Variants in RGS6 observed in about 807,000 individuals in gnomAD.
The protein encoded by RGS6 is regulator of G-protein signaling 6.
A neutral mutation model predicts 78.5 loss-of-function variants in RGS6; 30 were observed. The ratio of observed to expected loss-of-function variants is 0.38; its 90% CI spans 0.29 to 0.52. The LOEUF (loss-of-function observed/expected upper bound fraction) is 0.52. Ranked by LOEUF, RGS6 falls within the 20% of genes least tolerant of loss-of-function variation. RGS6 has a pLI of 0.85. For missense variants in RGS6, 495 were observed against 609.7 expected (o/e 0.81, Z 1.98); for synonymous variants, 206 against 206.0 (o/e 1.00, Z 0.00).
At chr14:72,337,485 C>T (rs1372205937) in intron 2 of RGS6, among the ~76,000 whole-genome samples, 1 of 151,922 alleles carries the variant, frequency 6.6e-6, no homozygotes, top group Non-Finnish European at 1.5e-5. Flanking sequence ...CTACTTACAA[C>T]CTTGCCCTCT....
At chr14:72,562,088 G>A (rs183273763) in intron 17 of RGS6, among the ~76,000 whole-genome samples, 22 of 152,252 alleles carry the variant, frequency 1.4e-4, no homozygotes, top group Admixed American at 2.6e-4. Flanking sequence ...AGGGCAGCCC[G>A]CCGGCATTAA....
At chr14:72,174,609 A>G (rs569917539) in intron 2 of RGS6, among the ~76,000 whole-genome samples, 3 of 152,318 alleles carry the variant, frequency 2.0e-5, no homozygotes, top group South Asian at 2.1e-4. Flanking sequence ...ATATCTAGCC[A>G]GTCCTGGAGT....
In RGS6 at chr14:71,967,189, G is replaced by GTATATATATATATATATATA. The variant is rs10571406; in HGVS notation, c.84+2316_84+2335dup. The stretch of plus-strand genomic sequence containing the variant: ...TTCGTGTGACAAACTTGTGTAAAGA[G>GTATATATATATATATATATA]TATATATATATATATATATATGTTC... On this transcript the variant is annotated intron_variant, in intron 2 of 17. Transcript: ENST00000553525. Among the ~76,000 whole-genome samples, 94 of 145,850 alleles carry GTATATATATATATATATATA rather than the reference G, an allele frequency of 6.4e-4. 1 individual carries two copies. Among genetic ancestry groups the GTATATATATATATATATATA allele is most frequent in the African/African-American group, 2.2e-3 (87 of 38,866 alleles).
intron 2 of RGS6, among the ~76,000 whole-genome samples, chr14:72,107,951 T>C (rs1431220514): frequency 2.0e-5 from 3 of 152,206 alleles, no homozygotes; most frequent in African/African-American, 7.2e-5. Flanking sequence ...ATTTTATAGT[T>C]ATACCTAATC....
At chr14:71,955,778 T>C (rs1162156593) in intron 1 of RGS6, among the ~76,000 whole-genome samples, 5 of 152,184 alleles carry the variant, frequency 3.3e-5, no homozygotes, top group Non-Finnish European at 4.4e-5. Flanking sequence ...AGTCTCATTC[T>C]GTGACTTAGA....
chr14:72,283,045 G>T (rs2061856456), intron 2 of RGS6, among the ~76,000 whole-genome samples: 1 of 152,076 alleles, frequency 6.6e-6, no homozygotes, highest in African/African-American at 2.4e-5. Context: ...TTCTGTGACT[G>T]GCTTATTTCA....
intron 2 of RGS6, among the ~76,000 whole-genome samples, chr14:71,973,972 A>G (rs902713784): frequency 3.9e-5 from 6 of 152,174 alleles, no homozygotes; most frequent in African/African-American, 1.4e-4. Flanking sequence ...GTGGTTTCAT[A>G]TGATGCATTT....
the RGS6 span, chr14:72,594,592 T>C: frequency 6.6e-6 from 1 of 152,158 alleles, no homozygotes; most frequent in East Asian, 1.9e-4. Flanking sequence ...ACTGAAAAAC[T>C]TTTTGCTGGT....
chr14:71,915,519 C>T, the RGS6 span, among the ~76,000 whole-genome samples: 1 of 152,272 alleles, frequency 6.6e-6, no homozygotes, highest in Non-Finnish European at 1.5e-5. Context: ...TACCCAGCAT[C>T]CCATTCATCC....
chr14:72,545,359 T>A (rs2097379675), intron 17 of RGS6, among the ~76,000 whole-genome samples: 1 of 152,230 alleles, frequency 6.6e-6, no homozygotes, highest in African/African-American at 2.4e-5. Context: ...CAAGTGCATG[T>A]CCTGGGACTC....
At chr14:72,169,181 C>T (rs1469080933) in intron 2 of RGS6, among the ~76,000 whole-genome samples, 6 of 152,146 alleles carry the variant, frequency 3.9e-5, no homozygotes, top group African/African-American at 1.4e-4. Flanking sequence ...ACTCCCCTTC[C>T]CCTTGGTTTG....
chr14:72,263,798 G>A (rs541560796), intron 2 of RGS6, among the ~76,000 whole-genome samples: 1 of 152,322 alleles, frequency 6.6e-6, no homozygotes, highest in South Asian at 2.1e-4. Flanking sequence ...AGAAACGAAT[G>A]TCTGTTGTTT....
chr14:72,128,544 GA>G (rs1332670590), intron 2 of RGS6, among the ~76,000 whole-genome samples: 13 of 150,508 alleles, frequency 8.6e-5, no homozygotes, highest in Non-Finnish European at 1.5e-4. Context: ...TGATTGTGTT[GA>G]TTTTTTTTTT....
chr14:72,043,562 C>G (rs1479110586), intron 2 of RGS6, among the ~76,000 whole-genome samples: 1 of 152,132 alleles, frequency 6.6e-6, no homozygotes, highest in East Asian at 1.9e-4. Flanking sequence ...ATATTTTTCT[C>G]CATTCTCTTC....
the RGS6 span, among the ~76,000 whole-genome samples, chr14:72,592,836 G>A: frequency 1.3e-5 from 2 of 152,322 alleles, no homozygotes; most frequent in East Asian, 3.9e-4. Context: ...CACTGTGGAA[G>A]AAAGATGTTT....
At chr14:72,628,576 A>C in the RGS6 span, among the ~76,000 whole-genome samples, 2 of 152,166 alleles carry the variant, frequency 1.3e-5, no homozygotes, top group Admixed American at 6.5e-5. Context: ...AAAGAGAAAC[A>C]TCAGGCATTA....
chr14:71,898,871 AC>A, the RGS6 span, among the ~76,000 whole-genome samples: 2 of 152,044 alleles, frequency 1.3e-5, no homozygotes, highest in African/African-American at 4.8e-5. Context: ...CTGCATAGTA[AC>A]CCATGGTGTA....
At chr14:72,207,681 C>G (rs1178670413) in intron 2 of RGS6, among the ~76,000 whole-genome samples, 3 of 152,220 alleles carry the variant, frequency 2.0e-5, no homozygotes, top group Non-Finnish European at 4.4e-5. Flanking sequence ...CCGGTTTCAG[C>G]TCCAATGACT....
chr14:72,379,965 T>A (rs1416226719), intron 3 of RGS6, among the ~76,000 whole-genome samples: 1 of 151,986 alleles, frequency 6.6e-6, no homozygotes, highest in East Asian at 1.9e-4. Flanking sequence ...GTTATAAGAA[T>A]AGACACAGAG....
Sources: gnomAD v4.1 joint callset for allele counts (sites outside exome capture counted in the v4.1 genomes callset) on GRCh38, gnomAD v4.1.1 for gene constraint, MANE v1.5 for transcripts, NCBI Gene and HGNC (gene_info 2026-07-23, HGNC 2026-07-21) for gene names.